The following ARK2C variants were observed in gnomAD, a reference collection of about 807,000 sequenced individuals.
ARK2C encodes the protein arkadia (RNF111) C-terminal like ring finger ubiquitin ligase 2C, also known as E3 ubiquitin-protein ligase ARK2C.
At chr18:46,392,492 C>T in the ARK2C span, among the ~76,000 whole-genome samples, 1 of 152,224 alleles carries the variant, frequency 6.6e-6, no homozygotes, top group African/African-American at 2.4e-5. Flanking sequence ...TGTTTGCCAG[C>T]TCTCAGAGCC....
the ARK2C span, among the ~76,000 whole-genome samples, chr18:46,440,987 AT>A: frequency 2.0e-5 from 3 of 151,598 alleles, no homozygotes; most frequent in East Asian, 5.8e-4. Flanking sequence ...TGGCATTATT[AT>A]TTTTAATTAA....
the ARK2C span, among the ~76,000 whole-genome samples, chr18:46,393,498 G>A: frequency 6.6e-6 from 1 of 152,154 alleles, no homozygotes; most frequent in African/African-American, 2.4e-5. Context: ...TTCTCTTTCT[G>A]CCAGAGCTTC....
At chr18:46,397,129 G>A in the ARK2C span, among the ~76,000 whole-genome samples, 3 of 152,174 alleles carry the variant, frequency 2.0e-5, no homozygotes, top group African/African-American at 7.2e-5. Context: ...GTCTGGGAGG[G>A]CCCTGCCGGA....
At chr18:46,403,161 G>A in the ARK2C span, among the ~76,000 whole-genome samples, 2 of 152,246 alleles carry the variant, frequency 1.3e-5, no homozygotes, top group African/African-American at 4.8e-5. Context: ...TGGTTCGTCT[G>A]TGCTTCCAGG....
At chr18:46,393,609 C>T in the ARK2C span, among the ~76,000 whole-genome samples, 1 of 152,192 alleles carries the variant, frequency 6.6e-6, no homozygotes, top group Non-Finnish European at 1.5e-5. Context: ...GGTCTTAGAC[C>T]ACTAAGGTCT....
At chr18:46,387,641 C>A in the ARK2C span, among the ~76,000 whole-genome samples, 1 of 152,372 alleles carries the variant, frequency 6.6e-6, no homozygotes, top group Admixed American at 6.5e-5. Flanking sequence ...GCTGGGCATA[C>A]AGACCCGTGG....
At chr18:46,374,167 C>G in the ARK2C span, among the ~76,000 whole-genome samples, 1 of 152,090 alleles carries the variant, frequency 6.6e-6, no homozygotes, top group African/African-American at 2.4e-5. Context: ...TGAACGAGTC[C>G]GAGAAACTCA....
chr18:46,369,545 G>A, the ARK2C span, among the ~76,000 whole-genome samples: 43 of 152,236 alleles, frequency 2.8e-4, no homozygotes, highest in African/African-American at 7.5e-4. Context: ...TGGTCAGTGA[G>A]GTGTTGCTTT....
At chr18:46,442,979 A>G in the ARK2C span, among the ~76,000 whole-genome samples, 10,957 of 152,258 alleles carry the variant, frequency 0.072, 442 homozygotes, top group African/African-American at 0.09. Flanking sequence ...TCCAGTTAGC[A>G]CTTACGGGGT....
At chr18:46,365,164 T>G in the ARK2C span, among the ~76,000 whole-genome samples, 1 of 152,244 alleles carries the variant, frequency 6.6e-6, no homozygotes, top group Admixed American at 6.5e-5. Context: ...GAAAGTAGAG[T>G]TGCTCTTTGG....
At chr18:46,349,775 C>G in the ARK2C span, among the ~76,000 whole-genome samples, 1 of 152,114 alleles carries the variant, frequency 6.6e-6, no homozygotes, top group Non-Finnish European at 1.5e-5. Flanking sequence ...AGTTGGGCAC[C>G]CCTTGCCCAG....
chr18:46,457,404 CT>C, the ARK2C span: 1 of 152,596 alleles, frequency 6.6e-6, no homozygotes, highest in Non-Finnish European at 1.5e-5. Context: ...GGAAGGGGGT[CT>C]AGGAGAGGGA....
the ARK2C span, among the ~76,000 whole-genome samples, chr18:46,388,996 GT>G: frequency 4.6e-5 from 7 of 152,170 alleles, no homozygotes; most frequent in African/African-American, 1.7e-4. Flanking sequence ...TTGACTCTCG[GT>G]TCACGAGGAA....
At chr18:46,449,552 C>T in the ARK2C span, among the ~76,000 whole-genome samples, 1 of 152,084 alleles carries the variant, frequency 6.6e-6, no homozygotes, top group Non-Finnish European at 1.5e-5. Flanking sequence ...TCACCTTGAA[C>T]TGAATAATCC....
At chr18:46,413,260 G>A in the ARK2C span, among the ~76,000 whole-genome samples, 1 of 152,218 alleles carries the variant, frequency 6.6e-6, no homozygotes, top group African/African-American at 2.4e-5. Flanking sequence ...ATAAAGCAGC[G>A]TCGCTCAAGC....
At chr18:46,372,785 G>A in the ARK2C span, among the ~76,000 whole-genome samples, 2 of 152,244 alleles carry the variant, frequency 1.3e-5, no homozygotes, top group South Asian at 2.1e-4. Flanking sequence ...TGCATTTCGA[G>A]AGCGCCAAAA....
chr18:46,362,913 G>A, the ARK2C span, among the ~76,000 whole-genome samples: 7 of 152,170 alleles, frequency 4.6e-5, no homozygotes, highest in East Asian at 1.9e-4. Context: ...AAAAATCACC[G>A]GGAGGGATAG....
the ARK2C span, among the ~76,000 whole-genome samples, chr18:46,356,222 G>A: frequency 2.1e-3 from 318 of 152,236 alleles, 3 homozygotes; most frequent in Middle Eastern, 0.01. Flanking sequence ...GTGACCAGCC[G>A]ACCCTGTTCC....
At chr18:46,344,980 C>T in the ARK2C span, among the ~76,000 whole-genome samples, 1 of 151,994 alleles carries the variant, frequency 6.6e-6, no homozygotes, top group Non-Finnish European at 1.5e-5. Flanking sequence ...AGGGGGACAT[C>T]AGACCTGTCT....
Sources: allele counts gnomAD v4.1 joint callset (sites outside exome capture counted in the v4.1 genomes callset), GRCh38; gene constraint gnomAD v4.1.1; transcripts MANE v1.5; gene names NCBI Gene and HGNC (gene_info 2026-07-23, HGNC 2026-07-21).